PRKD3: variants seen among roughly 807,000 people sequenced by gnomAD.
PRKD3 encodes serine/threonine-protein kinase D3.
Under a neutral mutation model 99.2 loss-of-function variants are expected in PRKD3, and 47 were observed. That is an observed-to-expected ratio of 0.47 (90% CI 0.38 to 0.60). PRKD3 has a LOEUF of 0.60. PRKD3 is among the 20% of genes least tolerant of loss of function. PRKD3 has a pLI of 0.00. For missense variants in PRKD3, 1,019 were observed against 1,088.4 expected (o/e 0.94, Z 0.90); for synonymous variants, 392 against 355.4 (o/e 1.10, Z -1.16).
intron 1 of PRKD3, among the ~76,000 whole-genome samples, chr2:37,320,067 C>G (rs1401124395): frequency 6.6e-6 from 1 of 152,174 alleles, no homozygotes; most frequent in Non-Finnish European, 1.5e-5. Flanking sequence ...ACAACTAAGC[C>G]TTTACTTTAT....
chr2:37,315,679 G>C (rs1478938735), intron 2 of PRKD3, among the ~76,000 whole-genome samples: 1 of 152,168 alleles, frequency 6.6e-6, no homozygotes, highest in Non-Finnish European at 1.5e-5. Context: ...GCTCTTGAGA[G>C]ACAAACAGAA....
intron 2 of PRKD3, among the ~76,000 whole-genome samples, chr2:37,311,785 T>C (rs1478614633): frequency 6.6e-6 from 1 of 152,180 alleles, no homozygotes; most frequent in African/African-American, 2.4e-5. Flanking sequence ...CAAATTTCCA[T>C]TAGACTAGAG....
chr2:37,305,847 G>C (rs1671141326), intron 2 of PRKD3, among the ~76,000 whole-genome samples: 2 of 152,150 alleles, frequency 1.3e-5, no homozygotes, highest in Non-Finnish European at 2.9e-5. Flanking sequence ...TGAGCACTAA[G>C]TATGTGCCAG....
At chr2:37,296,899 C>CAAAAAAAAAAAAAAAAA (rs748730644) in intron 2 of PRKD3, among the ~76,000 whole-genome samples, 1 of 48,130 alleles carries the variant, frequency 2.1e-5, no homozygotes, top group Non-Finnish European at 4.3e-5. Flanking sequence ...GACTCTGTCT[C>CAAAAAAAAAAAAAAAAA]AAAAAAAAAA....
chr2:37,260,526 C>A (rs1405148562), intron 14 of PRKD3, 142 bp from the exon 15 acceptor site: 2 of 791,520 alleles, frequency 2.5e-6, no homozygotes, highest in African/African-American at 1.8e-5. Flanking sequence ...AAATTACAAT[C>A]AATGAAAAGG....
chr2:37,284,350 C>T (rs897258551), intron 6 of PRKD3, among the ~76,000 whole-genome samples: 2 of 152,112 alleles, frequency 1.3e-5, no homozygotes, highest in African/African-American at 2.4e-5. Flanking sequence ...GATTCTTCTT[C>T]CAGAACCCTA....
chr2:37,301,333 C>T (rs1296642463), intron 2 of PRKD3, among the ~76,000 whole-genome samples: 3 of 151,762 alleles, frequency 2.0e-5, no homozygotes, highest in Non-Finnish European at 4.4e-5. Context: ...CTAAATCAGA[C>T]TCCAGGAGAA....
At chr2:37,293,070 T>C (rs758617453) in intron 3 of PRKD3, 63 bp downstream of exon 3, 2 of 1,428,058 alleles carry the variant, frequency 1.4e-6, no homozygotes, top group Non-Finnish European at 1.9e-6. Context: ...TTGCAGCATT[T>C]AGTACAGAAA....
At chr2:37,269,567 A>G (rs1165649293) in intron 13 of PRKD3, 48 bp downstream of exon 13, 2 of 1,500,182 alleles carry the variant, frequency 1.3e-6, no homozygotes, top group Admixed American at 3.3e-5. Flanking sequence ...TACATTTTCC[A>G]GTTTTTAAAA....
In PRKD3 at chr2:37,322,986, G is replaced by C. The variant is rs1671949208; in HGVS notation, c.-656+1695C>G. On this transcript the variant is annotated intron_variant, in intron 1 of 18. Coordinates refer to ENST00000234179, the MANE Select transcript of PRKD3 (RefSeq NM_005813.6). Reference sequence around the variant, plus strand: ...ACTTTAGAGTCTTTTAAAAAAATGAGAACAAAATGTCCCTTAAGAAAACTG... The same window carrying C: ...ACTTTAGAGTCTTTTAAAAAAATGACAACAAAATGTCCCTTAAGAAAACTG... 2.0e-5 allele frequency among the ~76,000 whole-genome samples: 3 copies of C among 151,784 alleles called. No individual in the cohort carries two copies. The South Asian group carries it at 6.2e-4, about 32-fold the overall frequency.
At position 37,274,404 on chromosome 2, in the gene PRKD3, A is replaced by G. The variant is rs116447416; in HGVS notation, c.1651+17T>C. The G allele has an allele frequency of 0.032, 52,230 of 1,612,332 alleles. 989 individuals are homozygous for G. Among genetic ancestry groups the G allele is most frequent in the South Asian group, 0.039 (3,562 of 90,984 alleles). ...AATTAAAGAGGAGAAAAAGCCATCA[A>G]GAAGTTTATTGCTTACTGTGATCTT... On this transcript the variant is annotated intron_variant, in intron 11 of 18. Coordinates refer to ENST00000234179, the MANE Select transcript of PRKD3 (RefSeq NM_005813.6).
intron 13 of PRKD3, chr2:37,268,666 C>A: frequency 4.8e-6 from 1 of 206,954 alleles, no homozygotes; most frequent in South Asian, 7.2e-5. Context: ...TTTAGTTGAG[C>A]CCTGAAGTAT....
At position 37,257,247 on chromosome 2, in the gene PRKD3, A is replaced by G. The variant is rs186711503; in HGVS notation, c.2146-318T>C. Among the ~76,000 whole-genome samples, 106 of 152,252 alleles carry G rather than the reference A, an allele frequency of 7.0e-4. 1 individual carries two copies. Among genetic ancestry groups the G allele is most frequent in the African/African-American group, 2.5e-3 (104 of 41,538 alleles). On this transcript the variant is annotated intron_variant, in intron 16 of 18. Transcript: ENST00000234179. ...TATGAAATAGAGTATGCTGCTTTCT[A>G]TCATTTGTCTTGTAAGATCACTCTT... is the stretch of plus-strand genomic sequence containing the variant.
At chr2:37,312,823 G>T (rs932063474) in intron 2 of PRKD3, among the ~76,000 whole-genome samples, 1 of 152,146 alleles carries the variant, frequency 6.6e-6, no homozygotes, top group Non-Finnish European at 1.5e-5. Context: ...ACGAAAATGT[G>T]ACCAGAGGCT....
intron 3 of PRKD3, among the ~76,000 whole-genome samples, chr2:37,291,368 T>A (rs1474985509): frequency 2.6e-5 from 4 of 152,264 alleles, no homozygotes; most frequent in Admixed American, 1.3e-4. Flanking sequence ...CTTCAATTTA[T>A]GGAAACGTTT....
Position 37,305,050 on chromosome 2 carries a change from A to G in PRKD3, c.288+11187T>C, listed in dbSNP as rs13404053. On this transcript the variant is annotated intron_variant, in intron 2 of 18. Transcript: ENST00000234179. ...AGACAAAAAAAGTAGGGGTAGAATA[A>G]AGAGCAGGATGTCACTAAGCTGCTG... Among the ~76,000 whole-genome samples, 206 of 152,328 alleles carry G rather than the reference A, an allele frequency of 1.4e-3. 2 individuals are homozygous for G. The highest frequency in any genetic ancestry group is 4.8e-3 in the African/African-American group (199 of 41,572).
chr2:37,274,336 A>AAAAGGAAC (rs1669451687), intron 11 of PRKD3, 85 bp downstream of exon 11: 9 of 1,464,682 alleles, frequency 6.1e-6, no homozygotes, highest in Non-Finnish European at 8.4e-6. Flanking sequence ...GATGAACATT[A>AAAAGGAAC]AAAGGAACAA....
rs775553768 is a variant in PRKD3, at chr2:37,253,190, T to A, written c.2660A>T (p.Glu887Val). The change falls in exon 19 of 19, where the codon GAA becomes GTA. Residue 887 changes from glutamate (E) to valine (V), a missense_variant. By Grantham distance (121) the Glu-to-Val change is moderately radical (BLOSUM62 -2). Around this residue, in one of 3 missense-constraint regions of PRKD3, gnomAD observed 125 missense variants for 120.6 expected, o/e 1.04. Transcript: ENST00000234179. ...TTAGCTCAGTGATTAAGGATCTTCTTCCATATCATCTGGATTAGGAGCCAT... is the reference window on the plus strand; with the variant it reads ...TTAGCTCAGTGATTAAGGATCTTCTACCATATCATCTGGATTAGGAGCCAT... ...FIMAPNPDDM[E>V]EDP is the part of the protein sequence containing the mutation. 2.5e-6 allele frequency: 4 copies of A among 1,602,292 alleles called. No homozygotes were observed. Among genetic ancestry groups the A allele is most frequent in the South Asian group, 1.1e-5 (1 of 88,354 alleles).
intron 2 of PRKD3, among the ~76,000 whole-genome samples, chr2:37,308,881 A>G (rs940069799): frequency 6.6e-6 from 1 of 151,992 alleles, no homozygotes. Flanking sequence ...TGGCATACCT[A>G]AAAGTACCTT....
Sources: gnomAD v4.1 joint callset for allele counts (sites outside exome capture counted in the v4.1 genomes callset) on GRCh38, gnomAD v4.1.1 for gene constraint, gnomAD v4.1.1 regional missense constraint, MANE v1.5 for transcripts, NCBI Gene and HGNC (gene_info 2026-07-23, HGNC 2026-07-21) for gene names.